AARS1: variants seen among roughly 807,000 people sequenced by gnomAD.
AARS1 encodes the protein alanine--tRNA ligase, cytoplasmic.
A neutral mutation model predicts 108.9 loss-of-function variants in AARS1; 72 were observed. The ratio of observed to expected loss-of-function variants is 0.66; its 90% CI spans 0.55 to 0.80. AARS1 has a LOEUF of 0.80. Ranked by LOEUF, AARS1 falls within the 30% of genes least tolerant of loss-of-function variation. The pLI, the probability that AARS1 is intolerant of heterozygous loss-of-function variation, is 0.00. For missense variants in AARS1, 1,193 were observed against 1,233.2 expected, an observed-to-expected ratio of 0.97 and a Z score of 0.49; for synonymous variants, 489 against 465.7, an observed-to-expected ratio of 1.05 and a Z score of -0.64.
chr16:70,254,176 C>T, intron 17 of AARS1, 138 bp from the exon 18 acceptor site: 1 of 1,165,258 alleles, frequency 8.6e-7, no homozygotes, highest in Non-Finnish European at 1.3e-6. Flanking sequence ...AGACCAGTCC[C>T]TTTAGGAGCA....
At chr16:70,265,471 A>G (rs1011842880) in intron 10 of AARS1, 67 bp downstream of exon 10, 2 of 1,609,082 alleles carry the variant, frequency 1.2e-6, no homozygotes, top group African/African-American at 2.7e-5. Context: ...ACTCATGCTC[A>G]GTCTGCAGCC....
In AARS1 at chr16:70,265,099, T is replaced by C; in HGVS notation, c.1351A>G (p.Lys451Glu). 6.2e-7 allele frequency: 1 copy of C among 1,614,092 alleles called. No homozygotes were observed. The highest frequency in any genetic ancestry group is 8.5e-7 in the Non-Finnish European group (1 of 1,180,028). The change falls in exon 11 of 21, where the codon AAA (lysine) becomes GAA (glutamate). Residue 451 changes from lysine to glutamate, a missense_variant. Coordinates refer to ENST00000261772, the MANE Select transcript of AARS1 (RefSeq NM_001605.3). ...FEEERKLAQL[K>E]SQGKGAGGED... Reference sequence around the variant, plus strand: ...CCACCAGCTCCCTTGCCCTGTGATTTCAGCTGTCAGCAAGAGAAACAAGCA... The same window carrying C: ...CCACCAGCTCCCTTGCCCTGTGATTCCAGCTGTCAGCAAGAGAAACAAGCA...
In AARS1 at chr16:70,282,720, A is replaced by G. The variant is rs1198894366; in HGVS notation, c.44T>C (p.Ile15Thr). ...LTASEIRQRF[I>T]DFFKRNEHTY... ...ATGCTCGTTCCTCTTGAAGAAATCT[A>G]TAAATCGCTGCCGGATTTCACTTGC... Residue 15 changes from isoleucine (I) to threonine (T), a missense_variant, in exon 2 of 21, where the codon ATA becomes ACA. Coordinates refer to ENST00000261772, the MANE Select transcript of AARS1 (RefSeq NM_001605.3). 8 of 1,614,074 alleles carry G rather than the reference A, an allele frequency of 5.0e-6. No homozygotes were observed. Among genetic ancestry groups the G allele is most frequent in the Admixed American group, 3.3e-5 (2 of 59,986 alleles).
At chr16:70,262,570 C>G in intron 11 of AARS1, 46 bp from the exon 12 acceptor site, 1 of 1,556,184 alleles carries the variant, frequency 6.4e-7, no homozygotes, top group Non-Finnish European at 8.8e-7. Context: ...GGTCAATGAC[C>G]TTTTCACTCC....
At chr16:70,256,491 G>A (rs1398509624) in intron 15 of AARS1, among the ~76,000 whole-genome samples, 1 of 152,068 alleles carries the variant, frequency 6.6e-6, no homozygotes, top group Non-Finnish European at 1.5e-5. Context: ...GTACAGACAG[G>A]TTTTCACCAT....
intron 20 of AARS1, 43 bp downstream of exon 20, chr16:70,253,225 C>A: frequency 6.6e-7 from 1 of 1,515,082 alleles, no homozygotes; most frequent in South Asian, 1.1e-5. Context: ...CAGCCAACAA[C>A]CTTAAGACCT....
In AARS1 at chr16:70,265,080, G is replaced by C. The variant is rs773802322; in HGVS notation, c.1370C>G (p.Ala457Gly). Residue 457 changes from alanine (A) to glycine (G), a missense_variant, in exon 11 of 21, where the codon GCT (alanine) becomes GGT (glycine). Ala to Gly is a moderately conservative substitution (Grantham distance 60). Transcript: ENST00000261772. Reference sequence around the variant, plus strand: ...CAGCATAATGAGGTCTTCCCCACCAGCTCCCTTGCCCTGTGATTTCAGCTG... The same window carrying C: ...CAGCATAATGAGGTCTTCCCCACCACCTCCCTTGCCCTGTGATTTCAGCTG... ...LAQLKSQGKG[A>G]GGEDLIMLDI... 19 of 1,614,128 alleles carry C rather than the reference G, an allele frequency of 1.2e-5. No homozygotes were observed. The highest frequency in any genetic ancestry group is 1.6e-5 in the Non-Finnish European group (19 of 1,180,040).
rs777686119 is a variant in AARS1, at chr16:70,252,893, C to T, written c.2735G>A (p.Arg912Gln). The change falls in exon 21 of 21, where the codon CGG (arginine) becomes CAG (glutamine). Residue 912 changes from arginine (R) to glutamine (Q), a missense_variant. Transcript: ENST00000261772. The stretch of plus-strand genomic sequence containing the variant: ...CACCCACTCGCTGGCTTTTAAGCCC[C>T]GATTGGCTGCATTCTAGAAGACAGG... Reference protein sequence around the residue: ...LCQVPQNAANRGLKASEWVQQ... With the variant: ...LCQVPQNAANQGLKASEWVQQ... 6 of 1,614,142 alleles carry T rather than the reference C, an allele frequency of 3.7e-6. No homozygotes were observed. The highest frequency in any genetic ancestry group is 3.3e-5 in the Admixed American group (2 of 60,022).
chr16:70,284,880 A>C (rs556931204), intron 1 of AARS1, among the ~76,000 whole-genome samples: 1 of 152,344 alleles, frequency 6.6e-6, no homozygotes, highest in Non-Finnish European at 1.5e-5. Flanking sequence ...CTGCCTACTC[A>C]ACTGAGGTGT....
intron 4 of AARS1, 63 bp from the exon 5 acceptor site, chr16:70,272,035 A>G (rs111598897): frequency 6.7e-7 from 1 of 1,502,196 alleles, no homozygotes; most frequent in Non-Finnish European, 9.3e-7. Flanking sequence ...CCAGACTTGC[A>G]ACCACCGCAA....
intron 13 of AARS1, 79 bp downstream of exon 13, chr16:70,260,965 C>G: frequency 1.7e-6 from 2 of 1,186,200 alleles, no homozygotes; most frequent in Admixed American, 3.5e-5. Flanking sequence ...CCCGGCCCAA[C>G]AGTGACAGGA....
Position 70,288,300 on chromosome 16 carries a change from G to A in AARS1, c.-22+1121C>T, listed in dbSNP as rs958761091. On this transcript the variant is annotated intron_variant, in intron 1 of 20. Coordinates refer to ENST00000261772, the MANE Select transcript of AARS1 (RefSeq NM_001605.3). ...CTATTTTTGTATATTTGGTAGAGAT[G>A]GGGTTTCACCGTGTTAGCCAGGATG... Among the ~76,000 whole-genome samples, 4 of 150,480 alleles carry A rather than the reference G, an allele frequency of 2.7e-5. No individual in the cohort carries two copies. The Admixed American group carries it at 2.7e-4, about 10-fold the overall frequency.
rs761043713 is a variant in AARS1, at chr16:70,258,127, G to A, written c.2083C>T (p.Arg695Ter). 7 of 1,613,132 alleles carry A rather than the reference G, an allele frequency of 4.3e-6. No homozygotes were observed. The highest frequency in any genetic ancestry group is 5.9e-6 in the Non-Finnish European group (7 of 1,179,616). ...VFDETYPDPVRVVSIGVPVSE... is the reference protein window; with the variant it reads ...VFDETYPDPV ...ACCGGGACCCCAATGGAGACGACTC[G>A]CACAGGGTCAGGATAGGTCTCATCA... is the stretch of plus-strand genomic sequence containing the variant. Residue 695 changes from arginine (R) to a stop codon, truncating the protein, a stop_gained, in exon 15 of 21, where the codon CGA becomes TGA. Coordinates refer to ENST00000261772, the MANE Select transcript of AARS1 (RefSeq NM_001605.3). LOFTEE classifies it high-confidence loss of function.
At chr16:70,255,134 C>T (rs1205955305) in intron 16 of AARS1, among the ~76,000 whole-genome samples, 2 of 151,124 alleles carry the variant, frequency 1.3e-5, no homozygotes, top group East Asian at 1.9e-4. Flanking sequence ...GATGCCACAG[C>T]GAATCTATGT....
rs1223319004 is a variant in AARS1 at position 70,284,310 on chromosome 16, AAAAC to A, written c.-21-1530_-21-1527del. Among the ~76,000 whole-genome samples, 19 of 140,548 alleles carry A rather than the reference AAAAC, an allele frequency of 1.4e-4. No homozygotes were observed. In the Middle Eastern group the frequency reaches 0.016, roughly 116 times the overall value. 92.2% of individuals were successfully genotyped at this position (140,548 alleles called of 152,430 possible). ...GACAGAGCAAGACTCCGTCTCAAAAAAAACAAAAATGGCCGGGCGCGGTGGCTCA... is the reference window on the plus strand; with the variant it reads ...GACAGAGCAAGACTCCGTCTCAAAAAAAAAATGGCCGGGCGCGGTGGCTCA... On this transcript the variant is annotated intron_variant, in intron 1 of 20. Transcript: ENST00000261772.
intron 12 of AARS1, among the ~76,000 whole-genome samples, chr16:70,262,105 T>C (rs1388324853): frequency 1.3e-5 from 2 of 152,186 alleles, no homozygotes; most frequent in African/African-American, 4.8e-5. Context: ...CTCTCCTTTT[T>C]AATGTGCAAA....
chr16:70,267,088 G>A (rs962155226), intron 9 of AARS1, among the ~76,000 whole-genome samples: 10 of 151,724 alleles, frequency 6.6e-5, no homozygotes, highest in African/African-American at 1.2e-4. Flanking sequence ...CGCCCGCCTC[G>A]GCATCCCAAA....
intron 4 of AARS1, among the ~76,000 whole-genome samples, chr16:70,272,566 T>C (rs1190566739): frequency 7.3e-6 from 1 of 137,704 alleles, no homozygotes; most frequent in Admixed American, 7.5e-5. Context: ...ATGACTCTTC[T>C]CAAGAGTGCC....
Position 70,270,229 on chromosome 16 carries a change from G to C in AARS1, c.783C>G (p.Asp261Glu), listed in dbSNP as rs1374950172. Residue 261 changes from aspartate to glutamate, a missense_variant, in exon 6 of 21, where the codon GAC becomes GAG. Coordinates refer to ENST00000261772, the MANE Select transcript of AARS1 (RefSeq NM_001605.3). ...LQNKMSNYDT[D>E]LFVPYFEAIQ... is the part of the protein sequence containing the mutation. ...TGGCTTCAAAGTAAGGGACAAAAAG[G>C]TCAGTGTCATAGTTGGACATCTTAT... is the stretch of plus-strand genomic sequence containing the variant. The C allele has an allele frequency of 7.2e-5, 117 of 1,614,164 alleles. No homozygotes were observed. The highest frequency in any genetic ancestry group is 9.6e-5 in the Non-Finnish European group (113 of 1,180,022).
Sources: allele counts gnomAD v4.1 joint callset (sites outside exome capture counted in the v4.1 genomes callset), GRCh38; gene constraint gnomAD v4.1.1; transcripts MANE v1.5; gene names NCBI Gene and HGNC (gene_info 2026-07-23, HGNC 2026-07-21).